The following LUZP2 variants were observed in gnomAD, a reference collection of about 807,000 sequenced individuals.
LUZP2 encodes leucine zipper protein 2.
LUZP2 carries 52 observed loss-of-function variants against 51.6 expected under a neutral mutation model. The observed-to-expected ratio is 1.01, with a 90% confidence interval of 0.81 to 1.27. The LOEUF is 1.27. Among genes scored for constraint, LUZP2 ranks in the 50% most tolerant of loss-of-function variants. The probability of loss-of-function intolerance (pLI) is 0.00; values close to 1 mark genes in which losing one functional copy is unlikely to be tolerated. For missense variants in LUZP2, 436 were observed against 395.4 expected, an observed-to-expected ratio of 1.10 and a Z score of -0.87; for synonymous variants, 154 against 137.3, an observed-to-expected ratio of 1.12 and a Z score of -0.85.
At chr11:24,954,165 C>G (rs777917150) in intron 7 of LUZP2, among the ~76,000 whole-genome samples, 1 of 151,986 alleles carries the variant, frequency 6.6e-6, no homozygotes, top group Non-Finnish European at 1.5e-5. Context: ...CAAGGGTAAC[C>G]TATAGTTTAA....
At chr11:24,784,074 A>G (rs930963078) in intron 5 of LUZP2, among the ~76,000 whole-genome samples, 1 of 151,954 alleles carries the variant, frequency 6.6e-6, no homozygotes, top group Non-Finnish European at 1.5e-5. Flanking sequence ...AGTTTGGACT[A>G]TTGATGCATC....
chr11:24,628,710 C>T (rs1474921387), intron 1 of LUZP2, among the ~76,000 whole-genome samples: 1 of 152,150 alleles, frequency 6.6e-6, no homozygotes, highest in Non-Finnish European at 1.5e-5. Context: ...AGCCACACAA[C>T]ACCATGCCTA....
At chr11:24,642,585 A>C (rs1212780016) in intron 1 of LUZP2, among the ~76,000 whole-genome samples, 1 of 151,866 alleles carries the variant, frequency 6.6e-6, no homozygotes, top group African/African-American at 2.4e-5. Context: ...CATAATATAC[A>C]CAGATTTGAA....
intron 4 of LUZP2, among the ~76,000 whole-genome samples, chr11:24,758,326 T>G (rs191280791): frequency 8.5e-5 from 12 of 141,010 alleles, no homozygotes; most frequent in African/African-American, 3.5e-4. Flanking sequence ...ATGACTTGCG[T>G]GTGTGTGTGT....
chr11:24,981,321 A>G (rs1300524779), intron 8 of LUZP2, among the ~76,000 whole-genome samples: 9 of 151,878 alleles, frequency 5.9e-5, no homozygotes, highest in African/African-American at 2.2e-4. Flanking sequence ...ACCTTGTCAT[A>G]GCATTTGTAA....
intron 10 of LUZP2, among the ~76,000 whole-genome samples, chr11:25,072,642 GT>G (rs1187851458): frequency 2.6e-5 from 4 of 152,048 alleles, no homozygotes; most frequent in Non-Finnish European, 4.4e-5. Flanking sequence ...TTTTCTCTCA[GT>G]GACCCCACCT....
chr11:24,798,115 G>A (rs1849596637), intron 5 of LUZP2, among the ~76,000 whole-genome samples: 3 of 151,694 alleles, frequency 2.0e-5, no homozygotes, highest in Non-Finnish European at 4.4e-5. Flanking sequence ...CAAATACTAT[G>A]TTTTGTTTGT....
chr11:24,530,762 CTTTTTTTT>C (rs367857815), intron 1 of LUZP2, among the ~76,000 whole-genome samples: 8 of 75,388 alleles, frequency 1.1e-4, no homozygotes, highest in African/African-American at 3.0e-4. Flanking sequence ...CTTCTTCTTA[CTTTTTTTT>C]TTTTTTTTTT....
chr11:24,593,178 C>G lies in LUZP2; in HGVS notation c.62+95873C>G, dbSNP rs190568103. ...AAGTAAAAATCAACTTTCCTCTGCT[C>G]CGAACTCCCTAGCGCTGTATTTCCA... On this transcript the variant is annotated intron_variant, in intron 1 of 11. Coordinates refer to ENST00000336930, the MANE Select transcript of LUZP2 (RefSeq NM_001009909.4). Among the ~76,000 whole-genome samples, 31 of 152,196 alleles carry G rather than the reference C, an allele frequency of 2.0e-4. 1 individual carries two copies. Among genetic ancestry groups the G allele is most frequent in the African/African-American group, 7.0e-4 (29 of 41,528 alleles).
intron 7 of LUZP2, among the ~76,000 whole-genome samples, chr11:24,973,839 T>G (rs1208464779): frequency 1.3e-5 from 2 of 151,864 alleles, no homozygotes; most frequent in Non-Finnish European, 2.9e-5. Flanking sequence ...TACCGAGGAG[T>G]GTTTTACTTC....
At chr11:24,703,734 C>A (rs1161016399) in intron 1 of LUZP2, among the ~76,000 whole-genome samples, 4 of 151,806 alleles carry the variant, frequency 2.6e-5, no homozygotes, top group African/African-American at 9.7e-5. Flanking sequence ...GAGGCTGAGG[C>A]AGGAGAATCG....
chr11:24,940,999 A>G (rs533426676), intron 7 of LUZP2, among the ~76,000 whole-genome samples: 4 of 152,250 alleles, frequency 2.6e-5, no homozygotes, highest in African/African-American at 9.6e-5. Context: ...AAAATAAAGT[A>G]TTTTTCCCTC....
chr11:25,006,588 T>G (rs1856840093), intron 9 of LUZP2, among the ~76,000 whole-genome samples: 1 of 152,152 alleles, frequency 6.6e-6, no homozygotes, highest in Non-Finnish European at 1.5e-5. Context: ...TAGTCGCTTT[T>G]AACTGGCCAA....
chr11:25,049,687 A>T (rs980172321), intron 9 of LUZP2, among the ~76,000 whole-genome samples: 1 of 152,098 alleles, frequency 6.6e-6, no homozygotes, highest in Non-Finnish European at 1.5e-5. Flanking sequence ...ACTGGGGGTT[A>T]AAATAAAAAG....
At chr11:24,699,666 T>TAC (rs1554975206) in intron 1 of LUZP2, among the ~76,000 whole-genome samples, 7 of 141,542 alleles carry the variant, frequency 4.9e-5, no homozygotes, top group East Asian at 4.2e-4. Context: ...TATATATATA[T>TAC]ACACACACAC....
chr11:25,076,024 C>A (rs943450329), intron 10 of LUZP2, among the ~76,000 whole-genome samples: 1 of 151,136 alleles, frequency 6.6e-6, no homozygotes, highest in African/African-American at 2.4e-5. Context: ...TATATATATT[C>A]TTTTTTGAGA....
At chr11:24,700,176 C>A (rs1010657767) in intron 1 of LUZP2, among the ~76,000 whole-genome samples, 2 of 151,446 alleles carry the variant, frequency 1.3e-5, no homozygotes, top group Admixed American at 1.3e-4. Flanking sequence ...AGTCTCTTGC[C>A]TCAGCCTCCC....
At chr11:25,077,251 C>A (rs996740494) in intron 10 of LUZP2, 78 bp from the exon 11 acceptor site, 1 of 1,059,128 alleles carries the variant, frequency 9.4e-7, no homozygotes, top group South Asian at 1.2e-5. Flanking sequence ...AGGAAGAATT[C>A]AAGAGAGTGT....
intron 5 of LUZP2, among the ~76,000 whole-genome samples, chr11:24,795,080 C>T (rs1456746954): frequency 1.3e-5 from 2 of 152,010 alleles, no homozygotes; most frequent in African/African-American, 2.4e-5. Context: ...CCAAAATGTT[C>T]GACTTTACTG....
Sources: gnomAD v4.1 joint callset for allele counts (sites outside exome capture counted in the v4.1 genomes callset) on GRCh38, gnomAD v4.1.1 for gene constraint, MANE v1.5 for transcripts, NCBI Gene and HGNC (gene_info 2026-07-23, HGNC 2026-07-21) for gene names.